The following GRIK3 variants were observed in gnomAD, a reference collection of about 807,000 sequenced individuals.
The protein encoded by GRIK3 is glutamate receptor ionotropic, kainate 3.
A neutral mutation model predicts 102.5 loss-of-function variants in GRIK3; 29 were observed. The ratio of observed to expected loss-of-function variants is 0.28; its 90% CI spans 0.21 to 0.39. The LOEUF is 0.39. Among genes scored for constraint, GRIK3 ranks in the 10% least tolerant of loss-of-function variants. The pLI is 1.00. For synonymous variants in GRIK3, 511 were observed against 504.9 expected, an observed-to-expected ratio of 1.01 and a Z score of -0.16; for missense variants, 908 against 1,252.4, an observed-to-expected ratio of 0.73 and a Z score of 4.15.
In GRIK3 at chr1:36,860,031, G is replaced by T. The variant is rs753031375; in HGVS notation, c.787-14C>A. On this transcript the variant is annotated splice_polypyrimidine_tract_variant and intron_variant, in intron 5 of 15. Coordinates refer to ENST00000373091, the MANE Select transcript of GRIK3 (RefSeq NM_000831.4). ...AGCGTAGAGATCCTGGATAGAGAGAGGTCTGTGTAAACCAAGGCATGCTCA... is the reference window on the plus strand; with the variant it reads ...AGCGTAGAGATCCTGGATAGAGAGATGTCTGTGTAAACCAAGGCATGCTCA... 1 of 1,561,456 alleles carries T rather than the reference G, an allele frequency of 6.4e-7. No individual in the cohort carries two copies. Among genetic ancestry groups the T allele is most frequent in the African/African-American group, 1.4e-5 (1 of 73,064 alleles).
At chr1:36,833,150 C>T (rs191355319) in intron 10 of GRIK3, among the ~76,000 whole-genome samples, 7 of 152,246 alleles carry the variant, frequency 4.6e-5, no homozygotes, top group African/African-American at 1.7e-4. Context: ...GAATGAGCAT[C>T]AAAATACCCC....
rs116031887 is a variant in GRIK3 at position 36,840,284 on chromosome 1, T to C, written c.1530+1452A>G. Among the ~76,000 whole-genome samples, 508 of 152,112 alleles carry C rather than the reference T, an allele frequency of 3.3e-3. 1 individual carries two copies. The highest frequency in any genetic ancestry group is 0.011 in the African/African-American group (473 of 41,434). ...CTTGAATTCAGCAGCAGCTCCTTGA[T>C]AGAAAATGCTTCAGTCAAGTTGAGG... On this transcript the variant is annotated intron_variant, in intron 10 of 15. Coordinates refer to ENST00000373091, the MANE Select transcript of GRIK3 (RefSeq NM_000831.4).
In GRIK3 at chr1:36,801,058, G is replaced by A. The variant is rs1367329468; in HGVS notation, c.*793C>T. ...GGGCATCCTTTGTGAGAAATTCAGGGGGTCCTCTCTCCTCTGGCTAGAAAG... is the reference window on the plus strand; with the variant it reads ...GGGCATCCTTTGTGAGAAATTCAGGAGGTCCTCTCTCCTCTGGCTAGAAAG... On this transcript the variant is annotated 3_prime_UTR_variant, in exon 16 of 16. Coordinates refer to ENST00000373091, the MANE Select transcript of GRIK3 (RefSeq NM_000831.4). 1.3e-5 allele frequency: 2 copies of A among 152,182 alleles called. No homozygotes were observed. The highest frequency in any genetic ancestry group is 2.9e-5 in the Non-Finnish European group (2 of 68,050). 9.4% of individuals were successfully genotyped at this position (152,182 alleles called of 1,614,324 possible). A position where few individuals can be genotyped will look rare whatever the true frequency, so the allele number is the denominator to read the frequency against.
chr1:36,866,828 A>C (rs1640789683), intron 5 of GRIK3, among the ~76,000 whole-genome samples: 1 of 152,206 alleles, frequency 6.6e-6, no homozygotes, highest in Non-Finnish European at 1.5e-5. Context: ...TCCACATTGC[A>C]TTGCAGTCAT....
chr1:36,889,642 C>T (rs1641080165), intron 2 of GRIK3, among the ~76,000 whole-genome samples: 1 of 152,120 alleles, frequency 6.6e-6, no homozygotes, highest in African/African-American at 2.4e-5. Context: ...AACAACTTGG[C>T]AGTTTCACAT....
intron 1 of GRIK3, among the ~76,000 whole-genome samples, chr1:36,896,273 T>C (rs1587529): frequency 0.84 from 127,978 of 152,132 alleles, 54,845 homozygotes; most frequent in Admixed American, 0.92. Context: ...CAATAGTTTG[T>C]TCAAAATAAT....
chr1:36,828,726 G>A (rs1367397283), intron 10 of GRIK3, among the ~76,000 whole-genome samples: 1 of 152,224 alleles, frequency 6.6e-6, no homozygotes, highest in Non-Finnish European at 1.5e-5. Flanking sequence ...CTTTGGAACT[G>A]GTCTCTGGAA....
intron 3 of GRIK3, among the ~76,000 whole-genome samples, chr1:36,873,571 G>T (rs1048908612): frequency 1.3e-5 from 2 of 151,980 alleles, no homozygotes; most frequent in African/African-American, 4.8e-5. Context: ...CTGCTTGCTT[G>T]GTCCCTAGTC....
At chr1:36,831,276 G>A (rs760809719) in intron 10 of GRIK3, among the ~76,000 whole-genome samples, 1 of 152,174 alleles carries the variant, frequency 6.6e-6, no homozygotes, top group Non-Finnish European at 1.5e-5. Context: ...GGGCTTCCCG[G>A]CATATACTTC....
At chr1:37,008,522 C>A (rs1000060704) in intron 1 of GRIK3, among the ~76,000 whole-genome samples, 1 of 152,242 alleles carries the variant, frequency 6.6e-6, no homozygotes, top group Admixed American at 6.5e-5. Flanking sequence ...AAAATAAATA[C>A]CACATTTTCC....
chr1:37,032,494 G>C (rs562516160), intron 1 of GRIK3, among the ~76,000 whole-genome samples: 1 of 143,628 alleles, frequency 7.0e-6, no homozygotes, highest in African/African-American at 2.9e-5. Context: ...ACTGGGGGGG[G>C]AAGGGGAGGC....
At chr1:37,019,623 C>T (rs56189192) in intron 1 of GRIK3, among the ~76,000 whole-genome samples, 5,525 of 152,252 alleles carry the variant, frequency 0.036, 149 homozygotes, top group Middle Eastern at 0.058. Flanking sequence ...CTGGAGCCCC[C>T]GCAAATCCCC....
At chr1:36,835,318 G>C (rs1339016141) in intron 10 of GRIK3, among the ~76,000 whole-genome samples, 2 of 152,196 alleles carry the variant, frequency 1.3e-5, no homozygotes, top group African/African-American at 4.8e-5. Flanking sequence ...GATCCCAATT[G>C]GTTCCCATGG....
At chr1:37,000,744 T>C (rs1167602919) in intron 1 of GRIK3, among the ~76,000 whole-genome samples, 2 of 152,134 alleles carry the variant, frequency 1.3e-5, no homozygotes, top group Non-Finnish European at 2.9e-5. Context: ...CCAAATTCAG[T>C]CTCCTTTCCC....
chr1:36,982,633 G>A (rs896682795), intron 1 of GRIK3, among the ~76,000 whole-genome samples: 4 of 152,154 alleles, frequency 2.6e-5, no homozygotes, highest in Admixed American at 6.5e-5. Flanking sequence ...GAAAGTCCCC[G>A]CCCTCAGCCA....
intron 7 of GRIK3, among the ~76,000 whole-genome samples, chr1:36,857,813 C>T (rs1400467233): frequency 2.0e-5 from 3 of 152,210 alleles, no homozygotes; most frequent in African/African-American, 7.2e-5. Context: ...GCTGTTTGCT[C>T]TCGTAGAGCT....
At chr1:36,860,108 C>G in intron 5 of GRIK3, 91 bp from the exon 6 acceptor site, 1 of 1,029,786 alleles carries the variant, frequency 9.7e-7, no homozygotes, top group Non-Finnish European at 1.4e-6. Flanking sequence ...CAGGGCCGCC[C>G]CAGGGCCTGA....
At chr1:36,910,484 G>A (rs957503379) in intron 1 of GRIK3, among the ~76,000 whole-genome samples, 4 of 152,190 alleles carry the variant, frequency 2.6e-5, no homozygotes, top group East Asian at 1.9e-4. Context: ...TCTCTGCTGC[G>A]CCTTAGCCAG....
chr1:36,905,504 A>C (rs192854095), intron 1 of GRIK3, among the ~76,000 whole-genome samples: 1,623 of 152,142 alleles, frequency 0.011, 12 homozygotes, highest in South Asian at 0.037. Flanking sequence ...AGAAAAAAAA[A>C]ACAAAGCTTT....
Sources: gnomAD v4.1 joint callset for allele counts (sites outside exome capture counted in the v4.1 genomes callset) on GRCh38, gnomAD v4.1.1 for gene constraint, MANE v1.5 for transcripts, NCBI Gene and HGNC (gene_info 2026-07-23, HGNC 2026-07-21) for gene names.